PHKB: variants seen among roughly 807,000 people sequenced by gnomAD.
PHKB encodes the protein phosphorylase kinase regulatory subunit beta.
PHKB carries 122 observed loss-of-function variants against 152.1 expected under a neutral mutation model. The observed-to-expected ratio is 0.80, with a 90% CI of 0.69 to 0.93. The LOEUF is 0.93. Ranked by LOEUF, PHKB falls within the 40% of genes least tolerant of loss-of-function variation. The pLI is 0.00. For missense variants in PHKB, 1,304 were observed against 1,328.4 expected, an observed-to-expected ratio of 0.98 and a Z score of 0.29; for synonymous variants, 436 against 464.9, an observed-to-expected ratio of 0.94 and a Z score of 0.80.
intron 1 of PHKB, among the ~76,000 whole-genome samples, chr16:47,467,913 A>G (rs1238902700): frequency 1.3e-5 from 2 of 152,204 alleles, no homozygotes; most frequent in African/African-American, 4.8e-5. Flanking sequence ...ATCTATGCAC[A>G]TTTCCAAATG....
intron 14 of PHKB, 37 bp downstream of exon 14, chr16:47,610,957 C>A: frequency 8.0e-7 from 1 of 1,248,740 alleles, no homozygotes; most frequent in Non-Finnish European, 1.2e-6. Context: ...TAGACTCGTC[C>A]AGAGACATTT....
chr16:47,679,667 G>T (rs926303803), intron 26 of PHKB, among the ~76,000 whole-genome samples: 13 of 152,128 alleles, frequency 8.5e-5, no homozygotes, highest in Non-Finnish European at 1.5e-4. Flanking sequence ...AGGAGATTTT[G>T]GGCTAAGACA....
At chr16:47,680,566 A>G (rs1298216469) in intron 26 of PHKB, among the ~76,000 whole-genome samples, 1 of 152,090 alleles carries the variant, frequency 6.6e-6, no homozygotes, top group South Asian at 2.1e-4. Flanking sequence ...AGAGGTGTTT[A>G]TAGTATTCTC....
intron 7 of PHKB, among the ~76,000 whole-genome samples, chr16:47,577,411 G>A (rs936492089): frequency 1.3e-5 from 2 of 151,990 alleles, no homozygotes; most frequent in African/African-American, 2.4e-5. Flanking sequence ...GAAGAAACAT[G>A]TATTGTATTT....
At chr16:47,673,229 C>G (rs898829999) in intron 26 of PHKB, among the ~76,000 whole-genome samples, 2 of 151,664 alleles carry the variant, frequency 1.3e-5, no homozygotes, top group Non-Finnish European at 2.9e-5. Flanking sequence ...CTTACAGTCT[C>G]TTTCATCAGA....
chr16:47,516,679 C>G (rs1173395488), intron 6 of PHKB, among the ~76,000 whole-genome samples: 1 of 151,974 alleles, frequency 6.6e-6, no homozygotes, highest in Non-Finnish European at 1.5e-5. Flanking sequence ...TGCATGTAGC[C>G]CTGCCCTCTA....
intron 14 of PHKB, among the ~76,000 whole-genome samples, chr16:47,640,363 G>A (rs956446213): frequency 6.6e-6 from 1 of 151,948 alleles, no homozygotes; most frequent in Non-Finnish European, 1.5e-5. Flanking sequence ...TTCAAAATTG[G>A]GTTCAATTTA....
intron 1 of PHKB, among the ~76,000 whole-genome samples, chr16:47,495,522 C>T (rs1202830275): frequency 2.0e-5 from 3 of 152,120 alleles, no homozygotes; most frequent in Non-Finnish European, 4.4e-5. Context: ...AATTCTTCCA[C>T]CTCAGCAAAG....
At chr16:47,519,452 T>C (rs1970649984) in intron 6 of PHKB, among the ~76,000 whole-genome samples, 2 of 152,210 alleles carry the variant, frequency 1.3e-5, no homozygotes, top group Admixed American at 6.5e-5. Context: ...TCTGCACTCA[T>C]CTGAAGGGTT....
intron 1 of PHKB, among the ~76,000 whole-genome samples, chr16:47,481,085 C>A (rs1306586929): frequency 1.3e-5 from 2 of 152,104 alleles, no homozygotes; most frequent in Non-Finnish European, 2.9e-5. Flanking sequence ...TGGTTCCTCT[C>A]CCAAGGGTCG....
chr16:47,627,723 T>C (rs952215148), intron 14 of PHKB, among the ~76,000 whole-genome samples: 2 of 152,260 alleles, frequency 1.3e-5, no homozygotes, highest in African/African-American at 4.8e-5. Flanking sequence ...GATATTGTTA[T>C]TCCTCTGATA....
intron 7 of PHKB, chr16:47,562,372 G>A (rs1255097752): frequency 6.6e-6 from 1 of 152,152 alleles, no homozygotes; most frequent in African/African-American, 2.4e-5. Flanking sequence ...AGGTTGTTCA[G>A]CACTATTTTA....
At chr16:47,693,537 AGGAGACTTCGCAAAG>A (rs1290107402) in intron 28 of PHKB, 30 bp downstream of exon 28, 3 of 1,612,874 alleles carry the variant, frequency 1.9e-6, no homozygotes, top group Non-Finnish European at 1.7e-6. Context: ...ACATAAAGAA[AGGAGACTTCGCAAAG>A]GGTAGTGAAT....
At chr16:47,531,939 G>T (rs1223944196) in intron 6 of PHKB, among the ~76,000 whole-genome samples, 1 of 152,062 alleles carries the variant, frequency 6.6e-6, no homozygotes, top group Non-Finnish European at 1.5e-5. Context: ...GTAACAATCT[G>T]CTCATCAAAA....
chr16:47,664,791 A>C, intron 24 of PHKB, 94 bp from the exon 25 acceptor site: 1 of 790,224 alleles, frequency 1.3e-6, no homozygotes, highest in East Asian at 2.6e-5. Context: ...TTAACTAGCA[A>C]ACATTTAGAA....
rs1041720987 is a variant in PHKB, at chr16:47,699,651, A to G, written c.*285A>G. On this transcript the variant is annotated 3_prime_UTR_variant, in exon 31 of 31. Coordinates refer to ENST00000323584, the MANE Select transcript of PHKB (RefSeq NM_000293.3). Reference sequence around the variant, plus strand: ...TTATGAATTGAAAATTTGCCGCTGCATGTTGTATGATCAAATAGTTCATCA... The same window carrying G: ...TTATGAATTGAAAATTTGCCGCTGCGTGTTGTATGATCAAATAGTTCATCA... 9.1e-6 allele frequency: 4 copies of G among 440,222 alleles called. No individual in the cohort carries two copies. In the Admixed American group the frequency reaches 1.4e-4, roughly 16 times the overall value. 27.3% of individuals were successfully genotyped at this position (440,222 alleles called of 1,614,324 possible).
rs769838324 is a variant in PHKB at position 47,669,262 on chromosome 16, T to G, written c.2475T>G (p.Pro825=). The change falls in exon 26 of 31, where the codon CCT becomes CCG. Residue 825 remains proline (P), a synonymous_variant. Coordinates refer to ENST00000323584, the MANE Select transcript of PHKB (RefSeq NM_000293.3). ...FGHEEEVISN[P]LSPRVIQNII... ...ATGAAGAAGAAGTTATCTCTAATCC[T>G]TTGTCTCCAAGAGTGATTCAAAACA... The G allele has an allele frequency of 1.2e-6, 2 of 1,614,000 alleles. No individual in the cohort carries two copies. The highest frequency in any genetic ancestry group is 1.7e-6 in the Non-Finnish European group (2 of 1,180,000).
intron 1 of PHKB, among the ~76,000 whole-genome samples, chr16:47,488,007 C>T (rs1276062853): frequency 6.6e-6 from 1 of 152,208 alleles, no homozygotes; most frequent in Non-Finnish European, 1.5e-5. Flanking sequence ...TGAGACATCT[C>T]TGAACTGTTT....
At chr16:47,495,139 G>T (rs973057336) in intron 1 of PHKB, among the ~76,000 whole-genome samples, 1 of 147,556 alleles carries the variant, frequency 6.8e-6, no homozygotes, top group Non-Finnish European at 1.5e-5. Context: ...TTATTTTCTT[G>T]AGAGGTCTGA....
Sources: allele counts gnomAD v4.1 joint callset (sites outside exome capture counted in the v4.1 genomes callset), GRCh38; gene constraint gnomAD v4.1.1; transcripts MANE v1.5; gene names NCBI Gene and HGNC (gene_info 2026-07-23, HGNC 2026-07-21).